Variants in BACH2 observed in about 807,000 individuals in gnomAD.
BACH2 encodes transcription regulator protein BACH2.
A neutral mutation model predicts 61.8 loss-of-function variants in BACH2; 5 were observed. The observed-to-expected ratio is 0.08, with a 90% CI of 0.04 to 0.17. The LOEUF (loss-of-function observed/expected upper bound fraction) is 0.17, where lower values mean the gene tolerates loss of function less well. Among genes scored for constraint, BACH2 ranks in the 10% least tolerant of loss-of-function variants. The pLI is 1.00. For missense variants in BACH2, 824 were observed against 1,091.1 expected (o/e 0.76, Z 3.45); for synonymous variants, 446 against 440.1 (o/e 1.01, Z -0.17).
At chr6:90,093,880 T>C (rs1782275560) in intron 4 of BACH2, among the ~76,000 whole-genome samples, 1 of 152,112 alleles carries the variant, frequency 6.6e-6, no homozygotes, top group Non-Finnish European at 1.5e-5. Context: ...AAAAGGTGGG[T>C]GAGGAGATAT....
chr6:89,983,980 C>A (rs1218503726), intron 6 of BACH2, among the ~76,000 whole-genome samples: 1 of 152,206 alleles, frequency 6.6e-6, no homozygotes, highest in Non-Finnish European at 1.5e-5. Flanking sequence ...CTTCCCCGAT[C>A]CTTCCTTTGT....
intron 3 of BACH2, among the ~76,000 whole-genome samples, chr6:90,250,382 G>A (rs188653280): frequency 2.6e-5 from 4 of 152,222 alleles, no homozygotes; most frequent in East Asian, 1.9e-4. Flanking sequence ...TTCACCCTCC[G>A]AAAGGAGTCA....
chr6:90,076,249 C>T (rs1022944812), intron 5 of BACH2, among the ~76,000 whole-genome samples: 1 of 151,856 alleles, frequency 6.6e-6, no homozygotes, highest in African/African-American at 2.4e-5. Context: ...ATTATGTTAC[C>T]GAGCGAATGA....
At chr6:90,231,294 T>C (rs149785331) in intron 3 of BACH2, among the ~76,000 whole-genome samples, 41 of 152,366 alleles carry the variant, frequency 2.7e-4, no homozygotes, top group African/African-American at 9.6e-4. Flanking sequence ...CAGGAAATCC[T>C]GTCTTTCAGT....
chr6:90,189,374 C>T lies in BACH2; in HGVS notation c.-162+17195G>A, dbSNP rs577374685. On this transcript the variant is annotated intron_variant, in intron 4 of 8. Transcript: ENST00000257749. Reference sequence around the variant, plus strand: ...CTGTAATCCCAGCACTTTGGGAGGCCGAGGCGGGTGGATCATGAGGTCAGG... The same window carrying T: ...CTGTAATCCCAGCACTTTGGGAGGCTGAGGCGGGTGGATCATGAGGTCAGG... 1.8e-3 allele frequency among the ~76,000 whole-genome samples: 269 copies of T among 150,976 alleles called. 1 individual carries two copies. Among genetic ancestry groups the T allele is most frequent in the African/African-American group, 5.9e-3 (244 of 41,120 alleles).
intron 1 of BACH2, among the ~76,000 whole-genome samples, chr6:90,294,710 G>A (rs1772283442): frequency 6.6e-6 from 1 of 152,174 alleles, no homozygotes. Flanking sequence ...CCAGGGTGGG[G>A]CGATCTCACA....
At chr6:90,116,673 G>A (rs1367528847) in intron 4 of BACH2, 7 of 311,102 alleles carry the variant, frequency 2.3e-5, no homozygotes, top group Non-Finnish European at 4.6e-5. Context: ...AAAAGGTGAT[G>A]TGATGGCAGT....
intron 1 of BACH2, among the ~76,000 whole-genome samples, chr6:90,282,569 T>C (rs528820188): frequency 6.6e-6 from 1 of 152,286 alleles, no homozygotes; most frequent in African/African-American, 2.4e-5. Context: ...GGCATTTAGG[T>C]TGATTACATG....
At chr6:90,047,019 C>T (rs1779813635) in intron 5 of BACH2, among the ~76,000 whole-genome samples, 1 of 152,148 alleles carries the variant, frequency 6.6e-6, no homozygotes, top group Admixed American at 6.5e-5. Flanking sequence ...GCAACCTCTG[C>T]CTCCGGGTTC....
At chr6:90,164,119 C>A (rs977920517) in intron 4 of BACH2, among the ~76,000 whole-genome samples, 3 of 152,122 alleles carry the variant, frequency 2.0e-5, no homozygotes, top group African/African-American at 7.2e-5. Context: ...ATCAATGAAT[C>A]CAGGAGCTGG....
intron 4 of BACH2, among the ~76,000 whole-genome samples, chr6:90,132,108 G>T (rs1344449066): frequency 6.6e-6 from 1 of 152,170 alleles, no homozygotes; most frequent in Non-Finnish European, 1.5e-5. Context: ...CAGTAAAAAT[G>T]GATACAACAA....
intron 5 of BACH2, among the ~76,000 whole-genome samples, chr6:90,070,653 ACT>A (rs1304231442): frequency 6.6e-6 from 1 of 151,936 alleles, no homozygotes; most frequent in Non-Finnish European, 1.5e-5. Context: ...AAAGACAATG[ACT>A]CTCATTCCAG....
At chr6:89,934,398 G>A (rs1396955435) in intron 8 of BACH2, among the ~76,000 whole-genome samples, 1 of 152,160 alleles carries the variant, frequency 6.6e-6, no homozygotes, top group Non-Finnish European at 1.5e-5. Context: ...GGTGGGTCAT[G>A]CCTGTAATCC....
intron 5 of BACH2, chr6:90,062,932 A>T (rs991037362): frequency 3.0e-6 from 3 of 985,214 alleles, no homozygotes; most frequent in Non-Finnish European, 3.6e-6. Flanking sequence ...TGATCTGAGA[A>T]GTCTCTTCCA....
chr6:90,015,522 A>T (rs1778012792), intron 5 of BACH2, among the ~76,000 whole-genome samples: 1 of 152,174 alleles, frequency 6.6e-6, no homozygotes. Context: ...TTATTCCTTA[A>T]TGCACAAATG....
chr6:90,216,467 C>T (rs1009837535), intron 3 of BACH2, among the ~76,000 whole-genome samples: 1 of 152,086 alleles, frequency 6.6e-6, no homozygotes, highest in East Asian at 1.9e-4. Flanking sequence ...TCGGCTCAGA[C>T]GGTGGGGTCA....
At chr6:90,222,228 A>G (rs986917659) in intron 3 of BACH2, among the ~76,000 whole-genome samples, 2 of 152,228 alleles carry the variant, frequency 1.3e-5, no homozygotes, top group African/African-American at 4.8e-5. Flanking sequence ...TTTGGAAAGC[A>G]CAGGTTTAGC....
At chr6:90,293,563 T>G (rs955853062) in intron 1 of BACH2, among the ~76,000 whole-genome samples, 1 of 152,192 alleles carries the variant, frequency 6.6e-6, no homozygotes, top group African/African-American at 2.4e-5. Flanking sequence ...GGCCCAGAAG[T>G]GAAGGGCTGG....
chr6:90,190,371 T>C (rs776646375), intron 4 of BACH2, among the ~76,000 whole-genome samples: 16 of 152,242 alleles, frequency 1.1e-4, no homozygotes, highest in African/African-American at 3.6e-4. Context: ...TGAAAAAATG[T>C]TCATTCATCA....
Sources: gnomAD v4.1 joint callset for allele counts (sites outside exome capture counted in the v4.1 genomes callset) on GRCh38, gnomAD v4.1.1 for gene constraint, MANE v1.5 for transcripts, NCBI Gene and HGNC (gene_info 2026-07-23, HGNC 2026-07-21) for gene names.